The following GLT1D1 variants were observed in gnomAD, a reference collection of about 807,000 sequenced individuals.
GLT1D1 encodes glycosyltransferase 1 domain-containing protein 1.
GLT1D1 carries 21 observed loss-of-function variants against 28.7 expected under a neutral mutation model. The ratio of observed to expected loss-of-function variants is 0.73; its 90% confidence interval spans 0.52 to 1.05. The LOEUF is 1.05. GLT1D1 is among the 50% of genes least tolerant of loss of function. GLT1D1 has a pLI of 0.00. For missense variants in GLT1D1, 343 were observed against 330.6 expected (o/e 1.04, Z -0.29); for synonymous variants, 147 against 124.8 (o/e 1.18, Z -1.19).
chr12:128,865,202 G>C (rs977725734), intron 1 of GLT1D1, among the ~76,000 whole-genome samples: 8 of 152,106 alleles, frequency 5.3e-5, no homozygotes, highest in Non-Finnish European at 7.4e-5. Context: ...AGACCCCTGT[G>C]AACTCCCAAA....
chr12:128,952,428 TG>T (rs1182891994), intron 6 of GLT1D1, among the ~76,000 whole-genome samples: 47 of 1,700 alleles, frequency 0.028, no homozygotes, highest in Admixed American at 0.046. Flanking sequence ...GGGTGTAGGG[TG>T]GGGGTGGGGG....
intron 4 of GLT1D1, among the ~76,000 whole-genome samples, chr12:128,918,716 C>T (rs1291715391): frequency 6.6e-6 from 1 of 152,218 alleles, no homozygotes; most frequent in African/African-American, 2.4e-5. Flanking sequence ...AACGAGTGGG[C>T]CCATTTTCAA....
At position 128,890,414 on chromosome 12, in the gene GLT1D1, G is replaced by A. The variant is rs1296466597; in HGVS notation, c.323+1670G>A. 2.0e-5 allele frequency among the ~76,000 whole-genome samples: 3 copies of A among 152,108 alleles called. No homozygotes were observed. The East Asian group carries it at 5.8e-4, about 29-fold the overall frequency. ...TATCATATTTGTATAGCAATTTAAA[G>A]TGGATTAAAAGCCTTGATTAAAAAA... On this transcript the variant is annotated intron_variant, in intron 3 of 7. Transcript: ENST00000281703.
At chr12:128,865,776 C>T (rs767334538) in intron 1 of GLT1D1, among the ~76,000 whole-genome samples, 1 of 151,994 alleles carries the variant, frequency 6.6e-6, no homozygotes, top group Non-Finnish European at 1.5e-5. Context: ...GAGCCAAGAT[C>T]GCACCACTGC....
chr12:128,887,977 C>G (rs1299950489), intron 2 of GLT1D1, among the ~76,000 whole-genome samples: 2 of 152,160 alleles, frequency 1.3e-5, no homozygotes, highest in African/African-American at 4.8e-5. Context: ...CCCATCTGCG[C>G]TCATGAAATG....
chr12:128,972,352 A>G lies in GLT1D1; in HGVS notation c.640-10577A>G, dbSNP rs562156311. On this transcript the variant is annotated intron_variant, in intron 7 of 7. Coordinates refer to ENST00000281703, the MANE Select transcript of GLT1D1 (RefSeq NM_144669.3). ...CTGCGGGAGAGAGAAGACAGGGTCC[A>G]CCATGGGAGGTATGTGTGACTTGGG... Among the ~76,000 whole-genome samples, 15 of 152,338 alleles carry G rather than the reference A, an allele frequency of 9.8e-5. No individual in the cohort carries two copies. The East Asian group carries it at 2.9e-3, about 29-fold the overall frequency.
At position 128,951,933 on chromosome 12, in the gene GLT1D1, C is replaced by T. The variant is rs985943462; in HGVS notation, c.540+4475C>T. On this transcript the variant is annotated intron_variant, in intron 6 of 7. Transcript: ENST00000281703. ...GTGTTGCATCTTTTCTGCTGAACTG[C>T]GGTTTTCCTTGGAGGCAGGGCCGTG... 2.6e-5 allele frequency among the ~76,000 whole-genome samples: 4 copies of T among 152,184 alleles called. No homozygotes were observed. The South Asian group carries it at 6.2e-4, about 24-fold the overall frequency.
chr12:128,962,328 T>A (rs1400983228), intron 7 of GLT1D1, among the ~76,000 whole-genome samples: 1 of 152,114 alleles, frequency 6.6e-6, no homozygotes, highest in Non-Finnish European at 1.5e-5. Flanking sequence ...ATGTCCAGAG[T>A]CTTTGAATGA....
chr12:128,881,561 AAT>A (rs1174737837), intron 2 of GLT1D1, among the ~76,000 whole-genome samples: 1,697 of 33,544 alleles, frequency 0.051, 43 homozygotes, highest in African/African-American at 0.064. Context: ...AAAAAAAAAA[AAT>A]ATATATATAT....
intron 4 of GLT1D1, among the ~76,000 whole-genome samples, chr12:128,904,056 C>T (rs1402647320): frequency 6.6e-6 from 1 of 151,738 alleles, no homozygotes; most frequent in Non-Finnish European, 1.5e-5. Flanking sequence ...AATTTTCAGG[C>T]ATGTGTAGAA....
chr12:128,905,589 G>T (rs995140687), intron 4 of GLT1D1, among the ~76,000 whole-genome samples: 9 of 152,182 alleles, frequency 5.9e-5, no homozygotes, highest in African/African-American at 2.2e-4. Context: ...CAGTAAAGAC[G>T]GTTTTATCTC....
chr12:128,903,394 C>G (rs1451656767), intron 4 of GLT1D1, among the ~76,000 whole-genome samples: 1 of 151,708 alleles, frequency 6.6e-6, no homozygotes, highest in Non-Finnish European at 1.5e-5. Flanking sequence ...TGCCTCCTTC[C>G]CATTGACCAA....
chr12:128,854,452 C>T lies in GLT1D1; in HGVS notation c.68+803C>T, dbSNP rs1353490179. Reference sequence around the variant, plus strand: ...GTGTGTGTGTGTAAAAGCGGACTTGCTTCATGAAATTTCCCGATTTACTTC... The same window carrying T: ...GTGTGTGTGTGTAAAAGCGGACTTGTTTCATGAAATTTCCCGATTTACTTC... On this transcript the variant is annotated intron_variant, in intron 1 of 7. Coordinates refer to ENST00000281703, the MANE Select transcript of GLT1D1 (RefSeq NM_144669.3). 3.3e-5 allele frequency among the ~76,000 whole-genome samples: 5 copies of T among 150,056 alleles called. No individual in the cohort carries two copies. The South Asian group carries it at 1.1e-3, about 32-fold the overall frequency.
At chr12:128,956,158 C>CATAAAAAAAAAAAAAA (rs1877260780) in intron 6 of GLT1D1, among the ~76,000 whole-genome samples, 1 of 7,476 alleles carries the variant, frequency 1.3e-4, no homozygotes, top group Non-Finnish European at 3.0e-4. Context: ...GACTCCATCT[C>CATAAAAAAAAAAAAAA]AAAAAAAAAA....
At chr12:128,899,168 A>C in intron 3 of GLT1D1, 68 bp from the exon 4 acceptor site, 1 of 1,139,726 alleles carries the variant, frequency 8.8e-7, no homozygotes, top group African/African-American at 1.5e-5. Flanking sequence ...TGTTCCAAAG[A>C]GCTGTTTCAT....
intron 4 of GLT1D1, among the ~76,000 whole-genome samples, chr12:128,933,073 G>A (rs1874102903): frequency 6.6e-6 from 1 of 152,232 alleles, no homozygotes; most frequent in South Asian, 2.1e-4. Context: ...ATAGGCTGGT[G>A]TCTTCGCTTG....
chr12:128,864,228 A>G, intron 1 of GLT1D1: 1 of 602,456 alleles, frequency 1.7e-6, no homozygotes, highest in Non-Finnish European at 3.0e-6. Context: ...GCACTCCGAG[A>G]GGCTTCCGGG....
At chr12:128,868,245 C>G (rs767731198) in intron 1 of GLT1D1, among the ~76,000 whole-genome samples, 3 of 152,172 alleles carry the variant, frequency 2.0e-5, no homozygotes, top group Non-Finnish European at 4.4e-5. Flanking sequence ...CCATGGAGAA[C>G]CTCTGAGGTT....
chr12:128,906,708 G>C (rs114842866), intron 4 of GLT1D1, among the ~76,000 whole-genome samples: 1 of 151,522 alleles, frequency 6.6e-6, no homozygotes, highest in Non-Finnish European at 1.5e-5. Context: ...TTTAGAGTGA[G>C]GTTTTTCTTT....
Sources: gnomAD v4.1 joint callset for allele counts (sites outside exome capture counted in the v4.1 genomes callset) on GRCh38, gnomAD v4.1.1 for gene constraint, MANE v1.5 for transcripts, NCBI Gene and HGNC (gene_info 2026-07-23, HGNC 2026-07-21) for gene names.